The following LNX1 variants were observed in gnomAD, a reference collection of about 807,000 sequenced individuals.
LNX1 encodes the protein E3 ubiquitin-protein ligase LNX.
In LNX1, 54 loss-of-function variants were observed where a neutral mutation model predicts 68.4. That is an observed-to-expected ratio of 0.79 (90% CI 0.63 to 0.99). LNX1 has a LOEUF of 0.99. Ranked by LOEUF, LNX1 falls within the 50% of genes least tolerant of loss-of-function variation. The pLI is 0.00. For missense variants in LNX1, 906 were observed against 926.4 expected (o/e 0.98, Z 0.29); for synonymous variants, 336 against 350.0 (o/e 0.96, Z 0.45).
chr4:53,572,729 A>T (rs1440782723), intron 2 of LNX1, among the ~76,000 whole-genome samples: 1 of 152,216 alleles, frequency 6.6e-6, no homozygotes, highest in Non-Finnish European at 1.5e-5. Flanking sequence ...GCCAGATGGA[A>T]CAGGTGATGT....
At chr4:53,547,486 G>A (rs968612115) in intron 2 of LNX1, among the ~76,000 whole-genome samples, 7 of 152,190 alleles carry the variant, frequency 4.6e-5, no homozygotes, top group African/African-American at 1.4e-4. Flanking sequence ...TGACTGCAGA[G>A]CATGTGCCTT....
At chr4:53,621,146 C>G (rs1193351115), upstream of LNX1, among the ~76,000 whole-genome samples, 1 of 152,150 alleles carries the variant, frequency 6.6e-6, no homozygotes, top group Non-Finnish European at 1.5e-5. Flanking sequence ...AGAGGTCACT[C>G]CTGACCTATG....
At chr4:53,542,856 A>G (rs1005111216) in intron 2 of LNX1, among the ~76,000 whole-genome samples, 2 of 152,184 alleles carry the variant, frequency 1.3e-5, no homozygotes, top group African/African-American at 4.8e-5. Context: ...CTCTCCCATC[A>G]GGAATAAATC....
At chr4:53,491,815 T>TTTA (rs1724701694) in intron 6 of LNX1, among the ~76,000 whole-genome samples, 1 of 147,066 alleles carries the variant, frequency 6.8e-6, no homozygotes, top group African/African-American at 2.5e-5. Flanking sequence ...GTTTGTTTTT[T>TTTA]GAGAAAAGTT....
intron 1 of LNX1, among the ~76,000 whole-genome samples, chr4:53,582,561 T>C (rs1305823108): frequency 6.6e-6 from 1 of 152,230 alleles, no homozygotes; most frequent in Non-Finnish European, 1.5e-5. Flanking sequence ...CTTTGAATTT[T>C]TGCACATTTA....
At chr4:53,461,625 A>G in intron 9 of LNX1, 32 bp from the exon 10 acceptor site, 1 of 1,545,426 alleles carries the variant, frequency 6.5e-7, no homozygotes, top group South Asian at 1.2e-5. Context: ...GTACATGCAT[A>G]TTTAAGTTTC....
intron 1 of LNX1, chr4:53,575,530 T>A (rs1329556010): frequency 1.0e-6 from 1 of 985,208 alleles, no homozygotes; most frequent in Non-Finnish European, 1.2e-6. Context: ...AGAGGTGACA[T>A]GGACACACAC....
intron 7 of LNX1, 125 bp downstream of exon 7, chr4:53,481,595 T>G (rs1723915534): frequency 8.8e-7 from 1 of 1,140,520 alleles, no homozygotes; most frequent in African/African-American, 1.6e-5. Context: ...GGCTTTTAGT[T>G]TTACAAGTCA....
Position 53,464,614 on chromosome 4 carries a change from G to A in LNX1, c.1893-3021C>T, listed in dbSNP as rs1722527447. On this transcript the variant is annotated intron_variant, in intron 9 of 10. Transcript: ENST00000263925. ...TATTAAATGTCTATATGCATACTTT[G>A]AACAAACAGGTATAGCAATGTTTAA... is the stretch of plus-strand genomic sequence containing the variant. 2.0e-5 allele frequency among the ~76,000 whole-genome samples: 3 copies of A among 152,140 alleles called. No individual in the cohort carries two copies. The South Asian group carries it at 6.2e-4, about 32-fold the overall frequency.
chr4:53,538,634 AG>A (rs894833930), intron 2 of LNX1, among the ~76,000 whole-genome samples: 3 of 152,224 alleles, frequency 2.0e-5, no homozygotes, highest in Non-Finnish European at 1.5e-5. Context: ...TTTGGTTAAA[AG>A]CTCTTCCCCA....
rs1721835411 is a variant in LNX1, at chr4:53,460,680, TGTAGA to T, written c.*222_*226del. 9.0e-5 allele frequency: 42 copies of T among 465,750 alleles called. No individual in the cohort carries two copies. The highest frequency in any genetic ancestry group is 7.6e-4 in the South Asian group (25 of 32,860). 28.9% of individuals were successfully genotyped at this position (465,750 alleles called of 1,614,324 possible). A position where few individuals can be genotyped will look rare whatever the true frequency, so the allele number is the denominator to read the frequency against. ...TGAATAGAAAAAATATAAACAATGT[TGTAGA>T]GTAATGAGAAATCCTCCACACTGAA... is the stretch of plus-strand genomic sequence containing the variant. On this transcript the variant is annotated 3_prime_UTR_variant, in exon 11 of 11. Transcript: ENST00000263925.
At chr4:53,556,337 T>C (rs990510491) in intron 2 of LNX1, among the ~76,000 whole-genome samples, 1 of 152,178 alleles carries the variant, frequency 6.6e-6, no homozygotes, top group Non-Finnish European at 1.5e-5. Flanking sequence ...ATAGGGAGCA[T>C]GACCTTGCTG....
chr4:53,556,080 A>G (rs1226488088), intron 2 of LNX1, among the ~76,000 whole-genome samples: 2 of 152,192 alleles, frequency 1.3e-5, no homozygotes, highest in African/African-American at 4.8e-5. Context: ...AGGGTCTTGT[A>G]GATGCAATTA....
intron 4 of LNX1, among the ~76,000 whole-genome samples, chr4:53,501,651 C>T (rs1163100965): frequency 2.6e-5 from 4 of 152,156 alleles, no homozygotes; most frequent in Admixed American, 6.6e-5. Flanking sequence ...CAGGGTCACA[C>T]AGTTGATAAA....
chr4:53,622,596 A>G (rs944491460), intron 1 of LNX1, among the ~76,000 whole-genome samples: 2 of 152,254 alleles, frequency 1.3e-5, no homozygotes, highest in African/African-American at 4.8e-5. Flanking sequence ...CCAAATTGGT[A>G]TAAAAAACGC....
intron 1 of LNX1, among the ~76,000 whole-genome samples, chr4:53,626,457 G>C (rs1268812218): frequency 6.6e-6 from 1 of 152,168 alleles, no homozygotes; most frequent in Non-Finnish European, 1.5e-5. Flanking sequence ...CTGCAACCTA[G>C]TGTTCATTTC....
intron 1 of LNX1, among the ~76,000 whole-genome samples, chr4:53,641,622 A>C (rs549383729): frequency 6.6e-6 from 1 of 152,334 alleles, no homozygotes; most frequent in South Asian, 2.1e-4. Flanking sequence ...TGCCCATGAA[A>C]TCATCACTGC....
intron 2 of LNX1, among the ~76,000 whole-genome samples, chr4:53,536,632 T>C (rs145640428): frequency 1.1e-3 from 166 of 152,348 alleles, no homozygotes; most frequent in Non-Finnish European, 1.8e-3. Context: ...ATATTGCTTC[T>C]TCATAAAAAG....
At chr4:53,647,716 T>C (rs977051962) in intron 1 of LNX1, among the ~76,000 whole-genome samples, 1 of 152,238 alleles carries the variant, frequency 6.6e-6, no homozygotes, top group Non-Finnish European at 1.5e-5. Context: ...CATCCATCTC[T>C]AGATCTTGCA....
Sources: gnomAD v4.1 joint callset for allele counts (sites outside exome capture counted in the v4.1 genomes callset) on GRCh38, gnomAD v4.1.1 for gene constraint, MANE v1.5 for transcripts, NCBI Gene and HGNC (gene_info 2026-07-23, HGNC 2026-07-21) for gene names.